Variants in ATRN observed in about 807,000 individuals in gnomAD.
ATRN encodes the protein attractin, also known as attractin-2.
In ATRN, 54 loss-of-function variants were observed where a neutral mutation model predicts 178.7. That is an observed-to-expected ratio of 0.30 (90% CI 0.24 to 0.38). The LOEUF is 0.38. ATRN is among the 10% of genes least tolerant of loss of function. The pLI, the probability that ATRN is intolerant of heterozygous loss-of-function variation, is 1.00. For synonymous variants in ATRN, 636 were observed against 663.0 expected (o/e 0.96, Z 0.63); for missense variants, 1,443 against 1,815.1 (o/e 0.79, Z 3.73).
intron 24 of ATRN, among the ~76,000 whole-genome samples, chr20:3,607,219 TCAAA>T (rs982139307): frequency 4.7e-4 from 71 of 152,334 alleles, no homozygotes; most frequent in African/African-American, 1.6e-3. Context: ...ATCCATCACC[TCAAA>T]CATTTATCAT....
intron 10 of ATRN, 53 bp from the exon 11 acceptor site, chr20:3,565,295 C>T: frequency 1.4e-6 from 2 of 1,386,468 alleles, no homozygotes; most frequent in Non-Finnish European, 2.0e-6. Flanking sequence ...AATGTCAGGT[C>T]CTGTTGATTA....
Position 3,646,988 on chromosome 20 carries a change from T to C in ATRN, c.*141T>C. ...CCTCAAAGCATCTGACTCACCTGCA[T>C]GATCACAAGCTTTCTTTGACGGTTT... On this transcript the variant is annotated 3_prime_UTR_variant, in exon 29 of 29. Coordinates refer to ENST00000262919, the MANE Select transcript of ATRN (RefSeq NM_139321.3). 1.8e-6 allele frequency: 2 copies of C among 1,124,118 alleles called. No homozygotes were observed. The highest frequency in any genetic ancestry group is 1.8e-5 in the South Asian group (1 of 54,688). 69.6% of individuals were successfully genotyped at this position (1,124,118 alleles called of 1,614,324 possible). A position where few individuals can be genotyped will look rare whatever the true frequency, so the allele number is the denominator to read the frequency against.
At chr20:3,625,264 T>C (rs1029714695) in intron 25 of ATRN, among the ~76,000 whole-genome samples, 7 of 152,190 alleles carry the variant, frequency 4.6e-5, no homozygotes, top group Non-Finnish European at 7.3e-5. Context: ...CTGTGTTACA[T>C]GGCCTCCCCT....
In ATRN at chr20:3,547,315, C is replaced by A; in HGVS notation, c.769C>A (p.Arg257=). 6.2e-7 allele frequency: 1 copy of A among 1,613,948 alleles called. No homozygotes were observed. Among genetic ancestry groups the A allele is most frequent in the South Asian group, 1.1e-5 (1 of 91,078 alleles). ...FDMCPNNCSG[R]GECKISNSSD... Reference sequence around the variant, plus strand: ...TATGTGTCCAAATAACTGCTCAGGCCGAGGAGAGTGTAAGATCAGTAATAG... The same window carrying A: ...TATGTGTCCAAATAACTGCTCAGGCAGAGGAGAGTGTAAGATCAGTAATAG... Residue 257 remains arginine, a synonymous_variant, in exon 5 of 29, where the codon CGA becomes AGA. Coordinates refer to ENST00000262919, the MANE Select transcript of ATRN (RefSeq NM_139321.3).
At chr20:3,546,169 G>A (rs984889332) in intron 4 of ATRN, among the ~76,000 whole-genome samples, 1 of 152,150 alleles carries the variant, frequency 6.6e-6, no homozygotes, top group African/African-American at 2.4e-5. Context: ...TGAACTTCTA[G>A]AAGAGAGGGA....
intron 1 of ATRN, among the ~76,000 whole-genome samples, chr20:3,523,107 C>G (rs1429247363): frequency 1.3e-5 from 2 of 151,836 alleles, no homozygotes; most frequent in Non-Finnish European, 2.9e-5. Context: ...TGGGTAATAA[C>G]AAACTCCTCC....
intron 10 of ATRN, among the ~76,000 whole-genome samples, 156 bp downstream of exon 10, chr20:3,563,519 A>G (rs2085984070): frequency 6.6e-6 from 1 of 152,236 alleles, no homozygotes; most frequent in South Asian, 2.1e-4. Context: ...CTAATGTTAC[A>G]CATCTGGTAA....
intron 4 of ATRN, 37 bp downstream of exon 4, chr20:3,545,927 A>G: frequency 1.3e-6 from 2 of 1,599,750 alleles, no homozygotes; most frequent in Non-Finnish European, 8.6e-7. Context: ...GATTTCATTC[A>G]GGAGACTATC....
At chr20:3,596,483 C>T (rs576114911) in intron 21 of ATRN, 54 bp downstream of exon 21, 1 of 1,521,808 alleles carries the variant, frequency 6.6e-7, no homozygotes, top group Admixed American at 1.7e-5. Flanking sequence ...AGTAAAACTT[C>T]ATTGTTTAAA....
intron 8 of ATRN, among the ~76,000 whole-genome samples, 186 bp downstream of exon 8, chr20:3,561,091 C>T (rs986292631): frequency 2.6e-5 from 4 of 152,104 alleles, no homozygotes; most frequent in Non-Finnish European, 4.4e-5. Context: ...GAGGCTGAGG[C>T]GGGCGGATCA....
chr20:3,479,690 A>G (rs948237653), intron 1 of ATRN, among the ~76,000 whole-genome samples: 3 of 152,220 alleles, frequency 2.0e-5, no homozygotes. Context: ...GAAGCCTGCA[A>G]TCAAGGTACT....
chr20:3,533,095 A>G (rs1213911959), intron 1 of ATRN, among the ~76,000 whole-genome samples: 1 of 152,190 alleles, frequency 6.6e-6, no homozygotes, highest in Non-Finnish European at 1.5e-5. Flanking sequence ...GTGGGCTGCC[A>G]TGGGAAGGGC....
At chr20:3,535,030 T>C (rs1298080180) in intron 1 of ATRN, among the ~76,000 whole-genome samples, 1 of 152,138 alleles carries the variant, frequency 6.6e-6, no homozygotes. Flanking sequence ...TCTGTCTTCT[T>C]TTTTAATGTA....
Position 3,560,735 on chromosome 20 carries a change from T to C in ATRN, c.1277T>C (p.Ile426Thr), listed in dbSNP as rs17782078. 76,895 of 1,613,938 alleles carry C rather than the reference T, an allele frequency of 0.048. 2,114 individuals carry two copies. The highest frequency in any genetic ancestry group is 0.055 in the Non-Finnish European group (65,260 of 1,179,822). The change falls in exon 8 of 29, where the codon ATT (isoleucine) becomes ACT (threonine). Residue 426 changes from isoleucine to threonine, a missense_variant. Transcript: ENST00000262919. ...ACCAATGAGTTGAGAGTTTTTCACA[T>C]TCATAATGAGTCATGGGTGTTGTTG... ...NVTNELRVFH[I>T]HNESWVLLTP... is the part of the protein sequence containing the mutation.
rs1464578570 is a variant in ATRN, at chr20:3,471,039, A to G, written c.-69A>G. On this transcript the variant is annotated 5_prime_UTR_variant, in exon 1 of 29. Coordinates refer to ENST00000262919, the MANE Select transcript of ATRN (RefSeq NM_139321.3). ...CCGCACAGCCCCGCCCCGCACGGCC[A>G]GGCGAAGCGGAGCCGGCCGTGCGGT... 4.4e-6 allele frequency: 6 copies of G among 1,361,312 alleles called. No individual in the cohort carries two copies. The South Asian group carries it at 6.0e-5, about 14-fold the overall frequency. 84.3% of individuals were successfully genotyped at this position (1,361,312 alleles called of 1,614,324 possible).
At chr20:3,604,306 T>G (rs1297559183) in intron 24 of ATRN, 44 bp downstream of exon 24, 1 of 1,538,506 alleles carries the variant, frequency 6.5e-7, no homozygotes, top group African/African-American at 1.4e-5. Flanking sequence ...GGTGGTGAAA[T>G]CTCTTTAGTA....
intron 18 of ATRN, 83 bp downstream of exon 18, chr20:3,584,963 TG>T: frequency 1.6e-6 from 2 of 1,272,600 alleles, no homozygotes; most frequent in Non-Finnish European, 2.3e-6. Context: ...GTTGTGTATA[TG>T]TAACTCCCTG....
At chr20:3,482,833 A>G (rs933464613) in intron 1 of ATRN, among the ~76,000 whole-genome samples, 3 of 152,208 alleles carry the variant, frequency 2.0e-5, no homozygotes, top group African/African-American at 7.2e-5. Context: ...AAGTGATGAT[A>G]TGTTTAGTGC....
intron 1 of ATRN, among the ~76,000 whole-genome samples, chr20:3,531,415 A>G (rs892734116): frequency 2.4e-4 from 37 of 152,186 alleles, no homozygotes; most frequent in African/African-American, 8.9e-4. Flanking sequence ...CTTAGACATA[A>G]AAGCCCAAGT....
Sources: allele counts gnomAD v4.1 joint callset (sites outside exome capture counted in the v4.1 genomes callset), GRCh38; gene constraint gnomAD v4.1.1; transcripts MANE v1.5; gene names NCBI Gene and HGNC (gene_info 2026-07-23, HGNC 2026-07-21).